SEPTIN7: variants seen among roughly 807,000 people sequenced by gnomAD.
The protein encoded by SEPTIN7 is septin 7, also known as septin-7.
SEPTIN7 carries 10 observed loss-of-function variants against 63.3 expected under a neutral mutation model. The ratio of observed to expected loss-of-function variants is 0.16; its 90% CI spans 0.10 to 0.27. SEPTIN7 has a LOEUF of 0.27. Ranked by LOEUF, SEPTIN7 falls within the 10% of genes least tolerant of loss-of-function variation. The pLI, the probability that SEPTIN7 is intolerant of heterozygous loss-of-function variation, is 1.00. For missense variants in SEPTIN7, 310 were observed against 521.0 expected (o/e 0.59, Z 3.94); for synonymous variants, 131 against 165.3 (o/e 0.79, Z 1.59).
intron 3 of SEPTIN7, among the ~76,000 whole-genome samples, chr7:35,847,647 TAAGTA>T (rs1435108817): frequency 1.3e-5 from 2 of 152,228 alleles, no homozygotes; most frequent in Admixed American, 6.5e-5. Context: ...AGCTTTTTAT[TAAGTA>T]TAGTCACACC....
chr7:35,914,663 A>G, the SEPTIN7 span, among the ~76,000 whole-genome samples: 9 of 145,546 alleles, frequency 6.2e-5, no homozygotes, highest in African/African-American at 2.5e-4. Flanking sequence ...CTCTCTCTAT[A>G]TATATATATA....
At chr7:35,879,365 T>A (rs1253538641) in intron 6 of SEPTIN7, among the ~76,000 whole-genome samples, 3 of 151,946 alleles carry the variant, frequency 2.0e-5, no homozygotes, top group Admixed American at 2.0e-4. Context: ...GCACCTGTAG[T>A]CCCAGCTACT....
chr7:35,874,927 T>C (rs1786384138), intron 6 of SEPTIN7, among the ~76,000 whole-genome samples: 1 of 152,178 alleles, frequency 6.6e-6, no homozygotes, highest in Non-Finnish European at 1.5e-5. Flanking sequence ...TTTGTGTAGC[T>C]ACTTGAATTT....
chr7:35,801,016 A>C (rs903341410), upstream of SEPTIN7: 27 of 451,910 alleles, frequency 6.0e-5, no homozygotes, highest in African/African-American at 5.5e-4. Context: ...CTAGGCCCGG[A>C]AGCCTCGTCT....
chr7:35,839,460 G>A (rs75960963), intron 3 of SEPTIN7, among the ~76,000 whole-genome samples: 3,913 of 152,158 alleles, frequency 0.026, 126 homozygotes, highest in East Asian at 0.08. Flanking sequence ...ACATTTTAAC[G>A]ATAATGCTTA....
chr7:35,812,892 A>C (rs569301084), intron 1 of SEPTIN7, among the ~76,000 whole-genome samples: 6 of 152,220 alleles, frequency 3.9e-5, no homozygotes, highest in Non-Finnish European at 4.4e-5. Flanking sequence ...CTTGGGCTCT[A>C]TCGGCAAGAT....
chr7:35,801,319 G>A (rs1787949478), intron 1 of SEPTIN7, 49 bp downstream of exon 1: 2 of 1,512,930 alleles, frequency 1.3e-6, no homozygotes, highest in Non-Finnish European at 1.8e-6. Flanking sequence ...GGCTCCGAAT[G>A]CCGGGAAGCT....
At chr7:35,913,920 G>A in the SEPTIN7 span, among the ~76,000 whole-genome samples, 1 of 152,148 alleles carries the variant, frequency 6.6e-6, no homozygotes, top group African/African-American at 2.4e-5. Context: ...CATTTTAAAA[G>A]AATTCAAGAA....
intron 3 of SEPTIN7, among the ~76,000 whole-genome samples, chr7:35,850,145 G>C (rs1400502287): frequency 1.3e-5 from 2 of 152,158 alleles, no homozygotes; most frequent in African/African-American, 2.4e-5. Flanking sequence ...GATGGAATAT[G>C]ATCATCTATT....
chr7:35,803,924 T>C (rs1360408837), intron 1 of SEPTIN7, among the ~76,000 whole-genome samples: 1 of 152,226 alleles, frequency 6.6e-6, no homozygotes, highest in African/African-American at 2.4e-5. Flanking sequence ...TTGTGACCCA[T>C]TAGTGGACAT....
At chr7:35,894,933 G>A (rs528115343) in intron 11 of SEPTIN7, among the ~76,000 whole-genome samples, 21 of 152,158 alleles carry the variant, frequency 1.4e-4, no homozygotes, top group Non-Finnish European at 3.1e-4. Context: ...AAGGGATGTG[G>A]CTTGCAGGAA....
intron 3 of SEPTIN7, among the ~76,000 whole-genome samples, chr7:35,856,072 T>C (rs548533859): frequency 4.3e-4 from 65 of 152,350 alleles, no homozygotes; most frequent in African/African-American, 1.5e-3. Context: ...CAACTACTTA[T>C]TGAGCACTTA....
At chr7:35,826,222 T>C (rs1783506530) in intron 1 of SEPTIN7, among the ~76,000 whole-genome samples, 1 of 151,980 alleles carries the variant, frequency 6.6e-6, no homozygotes, top group Non-Finnish European at 1.5e-5. Context: ...GACACATATC[T>C]GTGTATGATA....
At chr7:35,803,412 G>A (rs981245182) in intron 1 of SEPTIN7, among the ~76,000 whole-genome samples, 1 of 152,222 alleles carries the variant, frequency 6.6e-6, no homozygotes, top group Non-Finnish European at 1.5e-5. Flanking sequence ...GGAGAAGAGG[G>A]AGGAAGAAGA....
At chr7:35,834,094 C>G (rs1783963023) in intron 3 of SEPTIN7, among the ~76,000 whole-genome samples, 1 of 151,852 alleles carries the variant, frequency 6.6e-6, no homozygotes, top group Non-Finnish European at 1.5e-5. Context: ...TAAAATAATG[C>G]AGAGCATACC....
chr7:35,859,891 T>C (rs1321961348), intron 3 of SEPTIN7, among the ~76,000 whole-genome samples: 3 of 152,194 alleles, frequency 2.0e-5, no homozygotes, highest in Non-Finnish European at 4.4e-5. Context: ...CAATGTGTCT[T>C]TTACAGATAC....
chr7:35,837,402 A>G (rs1256346025), intron 3 of SEPTIN7, among the ~76,000 whole-genome samples: 1 of 152,168 alleles, frequency 6.6e-6, no homozygotes, highest in Non-Finnish European at 1.5e-5. Context: ...TAGATATATC[A>G]TTCTTGGTCA....
At chr7:35,843,938 TAACTC>T (rs1435188548) in intron 3 of SEPTIN7, among the ~76,000 whole-genome samples, 3 of 152,188 alleles carry the variant, frequency 2.0e-5, no homozygotes, top group Non-Finnish European at 2.9e-5. Context: ...AGTTCATTCT[TAACTC>T]AAGTTTTTAA....
intron 3 of SEPTIN7, among the ~76,000 whole-genome samples, chr7:35,840,429 AAAAAAT>A (rs751646501): frequency 6.6e-6 from 1 of 150,592 alleles, no homozygotes; most frequent in African/African-American, 2.4e-5. Context: ...CAGCTAATTA[AAAAAAT>A]AAAAATAAAA....
Sources: allele counts gnomAD v4.1 joint callset (sites outside exome capture counted in the v4.1 genomes callset), GRCh38; gene constraint gnomAD v4.1.1; transcripts MANE v1.5; gene names NCBI Gene and HGNC (gene_info 2026-07-23, HGNC 2026-07-21).